The following SRPK2 variants were observed in gnomAD, a reference collection of about 807,000 sequenced individuals.
SRPK2 encodes SRSF protein kinase 2.
A neutral mutation model predicts 90.8 loss-of-function variants in SRPK2; 21 were observed. That is an observed-to-expected ratio of 0.23 (90% CI 0.16 to 0.33). The LOEUF is 0.33. Among genes scored for constraint, SRPK2 ranks in the 10% least tolerant of loss-of-function variants. SRPK2 has a pLI of 1.00. For synonymous variants in SRPK2, 288 were observed against 311.1 expected (o/e 0.93, Z 0.78); for missense variants, 620 against 869.0 (o/e 0.71, Z 3.60).
intron 2 of SRPK2, among the ~76,000 whole-genome samples, chr7:105,292,032 A>G (rs1205002819): frequency 6.6e-6 from 1 of 152,186 alleles, no homozygotes; most frequent in Non-Finnish European, 1.5e-5. Context: ...GTCACCTCCT[A>G]GTTTTCCCGT....
intron 2 of SRPK2, among the ~76,000 whole-genome samples, chr7:105,374,707 G>A (rs754676546): frequency 1.3e-5 from 2 of 152,250 alleles, no homozygotes; most frequent in South Asian, 2.1e-4. Flanking sequence ...CCGGGTTCAA[G>A]CAGTTCTCCT....
chr7:105,261,271 C>T (rs190383629), intron 2 of SRPK2, among the ~76,000 whole-genome samples: 74 of 152,240 alleles, frequency 4.9e-4, no homozygotes, highest in African/African-American at 1.8e-3. Flanking sequence ...CCTGTAATCC[C>T]GGCACTTTGG....
intron 2 of SRPK2, among the ~76,000 whole-genome samples, chr7:105,348,449 C>T (rs1308565093): frequency 1.5e-5 from 2 of 134,086 alleles, no homozygotes; most frequent in African/African-American, 2.8e-5. Flanking sequence ...TTTTGAGATG[C>T]AGTCTCGCTC....
chr7:105,223,819 C>T (rs536250331), intron 2 of SRPK2, among the ~76,000 whole-genome samples: 2 of 152,198 alleles, frequency 1.3e-5, no homozygotes, highest in South Asian at 2.1e-4. Context: ...TATAAAATAC[C>T]TAAGTGTGCT....
chr7:105,317,527 C>G (rs1229372565), intron 2 of SRPK2, among the ~76,000 whole-genome samples: 1 of 152,146 alleles, frequency 6.6e-6, no homozygotes, highest in Non-Finnish European at 1.5e-5. Flanking sequence ...ATTTGGGAAC[C>G]TGACAGACAT....
At chr7:105,121,335 A>G (rs1404125172) in intron 15 of SRPK2, among the ~76,000 whole-genome samples, 1 of 151,126 alleles carries the variant, frequency 6.6e-6, no homozygotes, top group Admixed American at 6.6e-5. Flanking sequence ...ACAGAGTGAG[A>G]CTCTGTCTCA....
At chr7:105,131,264 C>A (rs957233405) in intron 13 of SRPK2, among the ~76,000 whole-genome samples, 1 of 152,156 alleles carries the variant, frequency 6.6e-6, no homozygotes, top group African/African-American at 2.4e-5. Flanking sequence ...GCCCCTGCTC[C>A]CCGACTCCCA....
intron 9 of SRPK2, 21 bp downstream of exon 9, chr7:105,145,262 G>C (rs1284508120): frequency 6.4e-7 from 1 of 1,569,546 alleles, no homozygotes. Flanking sequence ...TGCATATAAA[G>C]TAATATGCGT....
intron 2 of SRPK2, among the ~76,000 whole-genome samples, chr7:105,368,949 A>G (rs1819390991): frequency 6.6e-6 from 1 of 150,436 alleles, no homozygotes; most frequent in Non-Finnish European, 1.5e-5. Flanking sequence ...CAGTGAAAAC[A>G]TGGAATGGTT....
At chr7:105,155,789 G>T (rs999814664) in intron 7 of SRPK2, among the ~76,000 whole-genome samples, 3 of 152,156 alleles carry the variant, frequency 2.0e-5, no homozygotes, top group African/African-American at 7.2e-5. Flanking sequence ...TGGCAGCCTA[G>T]AACAAAAGAG....
chr7:105,296,550 A>G (rs533843890), intron 2 of SRPK2, among the ~76,000 whole-genome samples: 5 of 152,362 alleles, frequency 3.3e-5, no homozygotes, highest in Non-Finnish European at 5.9e-5. Context: ...TGTATAATAA[A>G]GTATAACTTA....
At chr7:105,147,076 G>A (rs1283846697) in intron 7 of SRPK2, among the ~76,000 whole-genome samples, 3 of 152,090 alleles carry the variant, frequency 2.0e-5, no homozygotes, top group African/African-American at 7.2e-5. Context: ...TCCACTTAAT[G>A]AATAGTAAGT....
intron 2 of SRPK2, among the ~76,000 whole-genome samples, chr7:105,213,428 A>G (rs1461568526): frequency 6.6e-6 from 1 of 152,188 alleles, no homozygotes. Flanking sequence ...TGGAAGCCAA[A>G]GCCTTTCCAA....
intron 2 of SRPK2, among the ~76,000 whole-genome samples, chr7:105,246,869 C>G (rs566919022): frequency 1.5e-4 from 23 of 152,288 alleles, no homozygotes; most frequent in Admixed American, 1.4e-3. Flanking sequence ...ATGGATTCCA[C>G]TTAAGTGACA....
chr7:105,223,946 A>T (rs1268940880), intron 2 of SRPK2, among the ~76,000 whole-genome samples: 5 of 152,228 alleles, frequency 3.3e-5, no homozygotes, highest in African/African-American at 1.2e-4. Flanking sequence ...GGTCTTAAGG[A>T]GCAGGCTATG....
chr7:105,309,965 C>G (rs1811527569), intron 2 of SRPK2, among the ~76,000 whole-genome samples: 2 of 152,188 alleles, frequency 1.3e-5, no homozygotes, highest in Non-Finnish European at 1.5e-5. Context: ...GCACTGTGGT[C>G]TGCACAATGA....
intron 2 of SRPK2, among the ~76,000 whole-genome samples, chr7:105,321,920 A>G (rs1292376327): frequency 6.6e-6 from 1 of 152,246 alleles, no homozygotes; most frequent in African/African-American, 2.4e-5. Context: ...GAATTACCAT[A>G]CAACTCAGCA....
rs57925635 is a variant in SRPK2 at position 105,124,640 on chromosome 7, T to TA, written c.1915+1607dup. Among the ~76,000 whole-genome samples the TA allele has an allele frequency of 4.6e-3, 244 of 52,932 alleles. 13 individuals carry two copies. Among genetic ancestry groups the TA allele is most frequent in the East Asian group, 0.019 (57 of 3,066 alleles). 34.7% of individuals were successfully genotyped at this position (52,932 alleles called of 152,430 possible). On this transcript the variant is annotated intron_variant, in intron 15 of 15. Coordinates refer to ENST00000393651, the MANE Select transcript of SRPK2 (RefSeq NM_182692.3). ...TGGACAACAAGAGCAAAACTCCATCTAAAAAAAAAAAAAAAAAAATCAATG... is the reference window on the plus strand; with the variant it reads ...TGGACAACAAGAGCAAAACTCCATCTAAAAAAAAAAAAAAAAAAAATCAATG...
intron 2 of SRPK2, among the ~76,000 whole-genome samples, chr7:105,385,483 C>T (rs1321190483): frequency 2.0e-5 from 3 of 152,134 alleles, no homozygotes; most frequent in Non-Finnish European, 4.4e-5. Flanking sequence ...GACAGCAGCC[C>T]TCTTTTTAAA....
Sources: gnomAD v4.1 joint callset for allele counts (sites outside exome capture counted in the v4.1 genomes callset) on GRCh38, gnomAD v4.1.1 for gene constraint, MANE v1.5 for transcripts, NCBI Gene and HGNC (gene_info 2026-07-23, HGNC 2026-07-21) for gene names.